Variants in NBEAL2 observed in about 807,000 individuals in gnomAD.
NBEAL2 encodes neurobeachin-like protein 2.
Under a neutral mutation model 299.8 loss-of-function variants are expected in NBEAL2, and 160 were observed. That is an observed-to-expected ratio of 0.53 (90% CI 0.47 to 0.61). The LOEUF (loss-of-function observed/expected upper bound fraction) is 0.61, where lower values mean the gene tolerates loss of function less well. Ranked by LOEUF, NBEAL2 falls within the 20% of genes least tolerant of loss-of-function variation. The pLI is 0.00. For synonymous variants in NBEAL2, 1,493 were observed against 1,542.3 expected (o/e 0.97, Z 0.75); for missense variants, 3,112 against 3,649.0 (o/e 0.85, Z 3.79).
chr3:46,995,259 G>T lies in NBEAL2; in HGVS notation c.1524G>T (p.Leu508=). Residue 508 remains leucine (L), a synonymous_variant, in exon 13 of 54, where the codon CTG becomes CTT. Coordinates refer to ENST00000450053, the MANE Select transcript of NBEAL2 (RefSeq NM_015175.3). ...LLETLSTGLA[L]EARCQEQLLA... ...AGACACTCAGCACAGGGCTAGCCCTGGAGGCCCGCTGCCAAGAGCAGCTGC... is the reference window on the plus strand; with the variant it reads ...AGACACTCAGCACAGGGCTAGCCCTTGAGGCCCGCTGCCAAGAGCAGCTGC... 6.4e-7 allele frequency: 1 copy of T among 1,559,252 alleles called. No homozygotes were observed. The highest frequency in any genetic ancestry group is 8.7e-7 in the Non-Finnish European group (1 of 1,152,248).
In NBEAL2 at chr3:46,991,277, C is replaced by A; in HGVS notation, c.615C>A (p.Leu205=). Residue 205 remains leucine, a synonymous_variant, in exon 7 of 54, where the codon CTC becomes CTA. Transcript: ENST00000450053. This position sits in a 1 kb window ranked among gnomAD's most constrained non-coding sequence, Gnocchi z 6.2. ...PPILLLRLIH[L]FCAVLAGGKE... is the part of the protein sequence containing the mutation. The stretch of plus-strand genomic sequence containing the variant: ...TACTGCTGTTACGTCTCATCCACCT[C>A]TTCTGCGCCGTCCTCGCTGGAGGAA... The A allele has an allele frequency of 6.2e-7, 1 of 1,606,598 alleles. No individual in the cohort carries two copies. The highest frequency in any genetic ancestry group is 8.5e-7 in the Non-Finnish European group (1 of 1,176,446).
Position 47,001,319 on chromosome 3 carries a change from AAAG to A in NBEAL2, c.4527_4529del (p.Glu1510del). 6.2e-7 allele frequency: 1 copy of A among 1,612,838 alleles called. No homozygotes were observed. Among genetic ancestry groups the A allele is most frequent in the Non-Finnish European group, 8.5e-7 (1 of 1,179,340 alleles). On this transcript the variant is annotated inframe_deletion, in exon 29 of 54. Coordinates refer to ENST00000450053, the MANE Select transcript of NBEAL2 (RefSeq NM_015175.3). The surrounding 1 kb of genome is among the most constrained non-coding windows in gnomAD (Gnocchi z 6.1). ...GCTGGAGTCAGCCCTGACCGACATCAAAGAGGCCCCCGTGGGGGTCCTGGCCAG... is the reference window on the plus strand; with the variant it reads ...GCTGGAGTCAGCCCTGACCGACATCAAGGCCCCCGTGGGGGTCCTGGCCAG...
At position 47,003,993 on chromosome 3, in the gene NBEAL2, T is replaced by C; in HGVS notation, c.5881+17T>C. Reference sequence around the variant, plus strand: ...CCGAGGAGGGTGCGTCCTGGTGGTGTGGTTTAGGAGGATGGCAGGGAATGG... The same window carrying C: ...CCGAGGAGGGTGCGTCCTGGTGGTGCGGTTTAGGAGGATGGCAGGGAATGG... On this transcript the variant is annotated intron_variant, in intron 36 of 53. Coordinates refer to ENST00000450053, the MANE Select transcript of NBEAL2 (RefSeq NM_015175.3). The surrounding 1 kb of genome is among the most constrained non-coding windows in gnomAD (Gnocchi z 7.0). 6.2e-7 allele frequency: 1 copy of C among 1,610,010 alleles called. No homozygotes were observed. The highest frequency in any genetic ancestry group is 1.1e-5 in the South Asian group (1 of 90,932).
rs936304589 is a variant in NBEAL2 at position 46,992,477 on chromosome 3, G to T, written c.1035G>T (p.Leu345=). ...HLTRLIQNSK[L]YLQSRAPPEG... Reference sequence around the variant, plus strand: ...TGTGCCTCCCCACTTCCCCACAGCTGTACCTGCAGTCCCGGGCGCCCCCCG... The same window carrying T: ...TGTGCCTCCCCACTTCCCCACAGCTTTACCTGCAGTCCCGGGCGCCCCCCG... The change falls in exon 10 of 54, where the codon CTG becomes CTT. Residue 345 remains leucine (L), a splice_region_variant and synonymous_variant. Transcript: ENST00000450053. The T allele has an allele frequency of 5.6e-6, 9 of 1,605,174 alleles. No homozygotes were observed. The highest frequency in any genetic ancestry group is 1.7e-5 in the Admixed American group (1 of 59,128).
In NBEAL2 at chr3:46,999,420, G is replaced by T; in HGVS notation, c.3649G>T (p.Gly1217Trp). ...LQGLVACLPE[G>W]TVSPQLCQGL... ...GGGTCTGGTTGCCTGCTTGCCTGAG[G>T]GGACTGTTTCCCCCCAGCTCTGCCA... Residue 1217 changes from glycine (G) to tryptophan (W), a missense_variant, in exon 25 of 54, where the codon GGG becomes TGG. Around this residue, in one of 3 missense-constraint regions of NBEAL2, gnomAD observed 2,243 missense variants for 2,538.1 expected, o/e 0.88. Coordinates refer to ENST00000450053, the MANE Select transcript of NBEAL2 (RefSeq NM_015175.3). 1.3e-6 allele frequency: 2 copies of T among 1,593,024 alleles called. No homozygotes were observed. The highest frequency in any genetic ancestry group is 1.7e-6 in the Non-Finnish European group (2 of 1,170,494).
Position 46,997,679 on chromosome 3 carries a change from G to A in NBEAL2, c.2943G>A (p.Gly981=). 6.5e-7 allele frequency: 1 copy of A among 1,543,844 alleles called. No homozygotes were observed. The highest frequency in any genetic ancestry group is 2.0e-5 in the Admixed American group (1 of 50,412). ...AGTGCCAGGGGCCTGCCATCATCGG[G>A]GCCCTCCTGCGAAAGGTGGGGCCCG... ...LVQCQGPAII[G]ALLRKVPSWA... The change falls in exon 20 of 54, where the codon GGG becomes GGA. Residue 981 remains glycine (G), a synonymous_variant. Transcript: ENST00000450053.
rs774585045 is a variant in NBEAL2 at position 47,007,655 on chromosome 3, C to T, written c.7465C>T (p.Leu2489=). 1.9e-6 allele frequency: 3 copies of T among 1,610,954 alleles called. No individual in the cohort carries two copies. The African/African-American group carries it at 4.0e-5, about 22-fold the overall frequency. The change falls in exon 48 of 54, where the codon CTA becomes TTA. Residue 2489 remains leucine (L), a synonymous_variant. Coordinates refer to ENST00000450053, the MANE Select transcript of NBEAL2 (RefSeq NM_015175.3). ...HWDGSLRVTA[L]PRGKLLSQLS... is the part of the protein sequence containing the mutation. ...GGATGGCAGCCTGCGGGTGACTGCACTACCCCGTGGCAAGCTGTTGAGCCA... is the reference window on the plus strand; with the variant it reads ...GGATGGCAGCCTGCGGGTGACTGCATTACCCCGTGGCAAGCTGTTGAGCCA...
rs1197915069 is a variant in NBEAL2 at position 47,004,652 on chromosome 3, C to T, written c.6294+62C>T. The T allele has an allele frequency of 1.2e-5, 18 of 1,533,168 alleles. No individual in the cohort carries two copies. The highest frequency in any genetic ancestry group is 1.6e-5 in the Non-Finnish European group (18 of 1,108,496). The allele number at this position is 1,533,168 out of a possible 1,614,324, so 95.0% of individuals were successfully genotyped here. On this transcript the variant is annotated intron_variant, in intron 38 of 53. Coordinates refer to ENST00000450053, the MANE Select transcript of NBEAL2 (RefSeq NM_015175.3). The surrounding 1 kb of genome is among the most constrained non-coding windows in gnomAD (Gnocchi z 5.0). ...CTCTGACCTGTCAGCCCTTGGTTCC[C>T]CCAAGTGTAGGTACCTGCCAGTGGG... is the stretch of plus-strand genomic sequence containing the variant.
Position 47,007,875 on chromosome 3 carries a change from G to A in NBEAL2, c.7567G>A (p.Asp2523Asn). ...CATCTACCTCATCTCAGGCTCCCGG[G>A]ACACCACGTGCATGGTGTGGCGGCT... ...CGIYLISGSRDTTCMVWRLLH... is the reference protein window; with the variant it reads ...CGIYLISGSRNTTCMVWRLLH... Residue 2523 changes from aspartate to asparagine, a missense_variant, in exon 49 of 54, where the codon GAC becomes AAC. By Grantham distance (23) the Asp-to-Asn change is conservative. This residue lies in a region of NBEAL2 where 348 missense variants were observed against 381.4 expected (regional missense o/e 0.91). Coordinates refer to ENST00000450053, the MANE Select transcript of NBEAL2 (RefSeq NM_015175.3). The A allele has an allele frequency of 1.9e-6, 3 of 1,613,600 alleles. No individual in the cohort carries two copies. Among genetic ancestry groups the A allele is most frequent in the Non-Finnish European group, 2.5e-6 (3 of 1,179,796 alleles).
In NBEAL2 at chr3:47,004,887, C is replaced by T. The variant is rs771639220; in HGVS notation, c.6295-85C>T. ...CCAACCTGTGGGCAGGCTCTGTGCC[C>T]GCCTTCTTGAGGGTGTGGGCAGGGC... On this transcript the variant is annotated intron_variant, in intron 38 of 53. Coordinates refer to ENST00000450053, the MANE Select transcript of NBEAL2 (RefSeq NM_015175.3). This position sits in a 1 kb window ranked among gnomAD's most constrained non-coding sequence, Gnocchi z 5.0. 2.0e-4 allele frequency: 312 copies of T among 1,536,764 alleles called. No individual in the cohort carries two copies. The highest frequency in any genetic ancestry group is 2.4e-4 in the Non-Finnish European group (276 of 1,138,960).
In NBEAL2 at chr3:47,007,889, G is replaced by T; in HGVS notation, c.7581G>T (p.Met2527Ile). Reference protein sequence around the residue: ...LISGSRDTTCMVWRLLHQGGL... With the variant: ...LISGSRDTTCIVWRLLHQGGL... ...CAGGCTCCCGGGACACCACGTGCAT[G>T]GTGTGGCGGCTCCTGCATCAGGTGT... The change falls in exon 49 of 54, where the codon ATG becomes ATT. Residue 2527 changes from methionine to isoleucine, a missense_variant. By Grantham distance (10) the Met-to-Ile change is conservative. This residue lies in a region of NBEAL2 where 348 missense variants were observed against 381.4 expected (regional missense o/e 0.91). Coordinates refer to ENST00000450053, the MANE Select transcript of NBEAL2 (RefSeq NM_015175.3). The T allele has an allele frequency of 6.2e-7, 1 of 1,613,252 alleles. No homozygotes were observed. Among genetic ancestry groups the T allele is most frequent in the Non-Finnish European group, 8.5e-7 (1 of 1,179,690 alleles).
rs374176916 is a variant in NBEAL2, at chr3:46,989,163, G to A, written c.348G>A (p.Ala116=). ...RVLALLTKLV[A]ELKGCPPPQG... ...TGGCACTGTTGACCAAGTTGGTGGCGGAGGTGAAGTGGCCTCTACCTTGGG... is the reference window on the plus strand; with the variant it reads ...TGGCACTGTTGACCAAGTTGGTGGCAGAGGTGAAGTGGCCTCTACCTTGGG... The change falls in exon 4 of 54, where the codon GCG becomes GCA. Residue 116 remains alanine (A), a synonymous_variant. Coordinates refer to ENST00000450053, the MANE Select transcript of NBEAL2 (RefSeq NM_015175.3). This position sits in a 1 kb window ranked among gnomAD's most constrained non-coding sequence, Gnocchi z 5.5. 54 of 1,613,892 alleles carry A rather than the reference G, an allele frequency of 3.3e-5. No individual in the cohort carries two copies. Among genetic ancestry groups the A allele is most frequent in the South Asian group, 2.5e-4 (23 of 91,064 alleles).
chr3:46,999,091 C>A lies in NBEAL2; in HGVS notation c.3517C>A (p.Pro1173Thr), dbSNP rs1263918209. Residue 1173 changes from proline to threonine, a missense_variant, in exon 24 of 54, where the codon CCC becomes ACC. By Grantham distance (38) the Pro-to-Thr change is conservative. Around this residue, in one of 3 missense-constraint regions of NBEAL2, gnomAD observed 2,243 missense variants for 2,538.1 expected, o/e 0.88. Coordinates refer to ENST00000450053, the MANE Select transcript of NBEAL2 (RefSeq NM_015175.3). ...LALLVRPGSLPLLPDRVCKIL... is the reference protein window; with the variant it reads ...LALLVRPGSLTLLPDRVCKIL... ...CCTGCTAGTGCGGCCAGGGTCACTG[C>A]CCCTGCTGCCCGATCGAGTCTGCAA... 6.3e-7 allele frequency: 1 copy of A among 1,586,230 alleles called. No homozygotes were observed.
chr3:46,996,207 T>C, intron 15 of NBEAL2, 64 bp from the exon 16 acceptor site: 1 of 1,589,940 alleles, frequency 6.3e-7, no homozygotes, highest in Non-Finnish European at 8.5e-7. Flanking sequence ...TGTGAGGAAC[T>C]GGTTGTAGGC....
Position 47,002,172 on chromosome 3 carries a change from C to T in NBEAL2, c.5035C>T (p.Leu1679=). 3 of 1,533,872 alleles carry T rather than the reference C, an allele frequency of 2.0e-6. No individual in the cohort carries two copies. Among genetic ancestry groups the T allele is most frequent in the Non-Finnish European group, 2.6e-6 (3 of 1,135,822 alleles). The change falls in exon 31 of 54, where the codon CTG becomes TTG. Residue 1679 remains leucine (L), a synonymous_variant. Transcript: ENST00000450053. ...GCTGCTAGACCGTGCCTATGAGCCGCTGGGGCTGCAGTGGGGACTGCCCTC... is the reference window on the plus strand; with the variant it reads ...GCTGCTAGACCGTGCCTATGAGCCGTTGGGGCTGCAGTGGGGACTGCCCTC... ...RTLLDRAYEP[L]GLQWGLPSLP...
chr3:47,001,528 G>T lies in NBEAL2; in HGVS notation c.4644+90G>T. ...TGGTCTGGGAGGTGGATGGGTACACGTGCGCAGGTGTGGGTGCATCAGCAT... is the reference window on the plus strand; with the variant it reads ...TGGTCTGGGAGGTGGATGGGTACACTTGCGCAGGTGTGGGTGCATCAGCAT... On this transcript the variant is annotated intron_variant, in intron 29 of 53. Coordinates refer to ENST00000450053, the MANE Select transcript of NBEAL2 (RefSeq NM_015175.3). This position sits in a 1 kb window ranked among gnomAD's most constrained non-coding sequence, Gnocchi z 6.1. The T allele has an allele frequency of 6.4e-7, 1 of 1,550,454 alleles. No homozygotes were observed. Among genetic ancestry groups the T allele is most frequent in the Non-Finnish European group, 8.7e-7 (1 of 1,144,998 alleles).
In NBEAL2 at chr3:46,991,223, C is replaced by T; in HGVS notation, c.561C>T (p.Ser187=). 6.2e-7 allele frequency: 1 copy of T among 1,605,742 alleles called. No individual in the cohort carries two copies. Among genetic ancestry groups the T allele is most frequent in the East Asian group, 2.2e-5 (1 of 44,500 alleles). ...PQEFSAFFQE[S]LQNADHLPPI... ...TGCCCACACCCCCCTACCCAGAGAG[C>T]CTACAGAATGCAGACCACTTGCCTC... Residue 187 remains serine (S), a synonymous_variant, in exon 7 of 54, where the codon AGC becomes AGT. Transcript: ENST00000450053. This position sits in a 1 kb window ranked among gnomAD's most constrained non-coding sequence, Gnocchi z 6.2.
Position 46,988,178 on chromosome 3 carries a change from C to CT in NBEAL2, c.52-490dup. 2 of 832,662 alleles carry CT rather than the reference C, an allele frequency of 2.4e-6. No individual in the cohort carries two copies. The highest frequency in any genetic ancestry group is 3.2e-6 in the Non-Finnish European group (2 of 629,378). The allele number at this position is 832,662 out of a possible 1,614,324, so 51.6% of individuals were successfully genotyped here. ...GCCTGTCTAATGGTACACGTGTGTC[C>CT]TGGGATCCACAGTTAAAGAAGGCTA... is the stretch of plus-strand genomic sequence containing the variant. On this transcript the variant is annotated intron_variant, in intron 1 of 53. Transcript: ENST00000450053. The surrounding 1 kb of genome is among the most constrained non-coding windows in gnomAD (Gnocchi z 4.4).
chr3:47,004,394 G>T lies in NBEAL2; in HGVS notation c.6198+1G>T. 1 of 1,590,080 alleles carries T rather than the reference G, an allele frequency of 6.3e-7. No individual in the cohort carries two copies. Among genetic ancestry groups the T allele is most frequent in the South Asian group, 1.1e-5 (1 of 87,090 alleles). ...GCTGCGTGCCTCAGGCCTTACCCAG[G>T]TGAGAGCCCTGGGTGTGAGGGATGT... On this transcript the variant is annotated splice_donor_variant, in intron 37 of 53. Coordinates refer to ENST00000450053, the MANE Select transcript of NBEAL2 (RefSeq NM_015175.3). LOFTEE classifies it high-confidence loss of function. This position sits in a 1 kb window ranked among gnomAD's most constrained non-coding sequence, Gnocchi z 5.0.
Sources: gnomAD v4.1 joint callset for allele counts on GRCh38, gnomAD v4.1.1 for gene constraint, gnomAD v4.1.1 regional missense constraint, Gnocchi (gnomAD v3.1) non-coding constraint, MANE v1.5 for transcripts, NCBI Gene and HGNC (gene_info 2026-07-23, HGNC 2026-07-21) for gene names.